Variants in DOCK8 observed in about 807,000 individuals in gnomAD.
DOCK8 encodes the protein dedicator of cytokinesis 8, also known as dedicator of cytokinesis protein 8.
DOCK8 carries 141 observed loss-of-function variants against 245.6 expected under a neutral mutation model. The ratio of observed to expected loss-of-function variants is 0.57; its 90% CI spans 0.50 to 0.66. The LOEUF (loss-of-function observed/expected upper bound fraction) is 0.66, where lower values mean the gene tolerates loss of function less well. Among genes scored for constraint, DOCK8 ranks in the 30% least tolerant of loss-of-function variants. DOCK8 has a pLI of 0.00. For synonymous variants in DOCK8, 1,168 were observed against 970.2 expected, an observed-to-expected ratio of 1.20 and a Z score of -3.79; for missense variants, 2,965 against 2,603.4, an observed-to-expected ratio of 1.14 and a Z score of -3.02.
At chr9:447,314 G>A (rs7035876) in intron 44 of DOCK8, among the ~76,000 whole-genome samples, 24,248 of 151,932 alleles carry the variant, frequency 0.16, 2,392 homozygotes, top group African/African-American at 0.28. Context: ...CTTATTTGTC[G>A]TCCTTTTTAT....
chr9:293,820 G>T (rs1326281845), intron 4 of DOCK8, among the ~76,000 whole-genome samples: 1 of 152,198 alleles, frequency 6.6e-6, no homozygotes, highest in Non-Finnish European at 1.5e-5. Context: ...GTTAATTAGT[G>T]ATTAATTATT....
chr9:416,977 A>G (rs927008055), intron 29 of DOCK8, among the ~76,000 whole-genome samples: 4 of 152,182 alleles, frequency 2.6e-5, no homozygotes, highest in African/African-American at 9.7e-5. Flanking sequence ...TTAAAATCCC[A>G]ATGGCCTTAA....
At chr9:272,995 A>T in intron 2 of DOCK8, 1 of 980,448 alleles carries the variant, frequency 1.0e-6, no homozygotes, top group Non-Finnish European at 1.2e-6. Flanking sequence ...TTACTTCGAA[A>T]CCACTTCTGC....
At chr9:235,836 AC>A (rs2047232593) in intron 1 of DOCK8, among the ~76,000 whole-genome samples, 1 of 151,792 alleles carries the variant, frequency 6.6e-6, no homozygotes, top group Non-Finnish European at 1.5e-5. Flanking sequence ...GAATTCCCTG[AC>A]CCCTTGCACT....
chr9:254,566 A>T (rs1004154102), intron 1 of DOCK8, among the ~76,000 whole-genome samples: 2 of 152,182 alleles, frequency 1.3e-5, no homozygotes, highest in Non-Finnish European at 2.9e-5. Context: ...ACTTGTTTAC[A>T]TAGTAGTAAG....
intron 2 of DOCK8, among the ~76,000 whole-genome samples, chr9:274,959 A>C (rs72701234): frequency 6.6e-6 from 1 of 152,202 alleles, no homozygotes; most frequent in Admixed American, 6.5e-5. Flanking sequence ...ATTGAAGTCA[A>C]GTTATTTAGA....
Position 330,992 on chromosome 9 carries a change from G to A in DOCK8, c.1045-1406G>A, listed in dbSNP as rs147752939. Among the ~76,000 whole-genome samples the A allele has an allele frequency of 5.6e-4, 85 of 152,284 alleles. 1 individual carries two copies. Among genetic ancestry groups the A allele is most frequent in the Non-Finnish European group, 9.7e-4 (66 of 68,022 alleles). ...ATACACACTACTAGTGCATGAAGCC[G>A]TGGCATTCCCCTTCCTTGCTTCAGG... On this transcript the variant is annotated intron_variant, in intron 9 of 47. Coordinates refer to ENST00000432829, the MANE Select transcript of DOCK8 (RefSeq NM_203447.4).
In DOCK8 at chr9:274,681, C is replaced by T. The variant is rs118120761; in HGVS notation, c.156+2952C>T. On this transcript the variant is annotated intron_variant, in intron 2 of 47. Transcript: ENST00000432829. The stretch of plus-strand genomic sequence containing the variant: ...TTACCTTTAAAAAAAAATTTCTTTT[C>T]ATGGAAAGATAATGGAACATGTCGG... 1.1e-3 allele frequency among the ~76,000 whole-genome samples: 164 copies of T among 151,948 alleles called. 1 individual carries two copies. In the East Asian group the frequency reaches 0.024, roughly 23 times the overall value.
intron 8 of DOCK8, among the ~76,000 whole-genome samples, chr9:326,613 C>G (rs1415551686): frequency 6.6e-6 from 1 of 152,184 alleles, no homozygotes; most frequent in Non-Finnish European, 1.5e-5. Flanking sequence ...GGCCTATAAG[C>G]AAGAAGTTGC....
intron 46 of DOCK8, chr9:460,392 C>T (rs1417753871): frequency 6.6e-6 from 1 of 152,208 alleles, no homozygotes; most frequent in Non-Finnish European, 1.5e-5. Flanking sequence ...GGACTCATCC[C>T]ACCTCCTGTA....
At chr9:222,604 G>A (rs1413675157) in intron 1 of DOCK8, among the ~76,000 whole-genome samples, 1 of 152,042 alleles carries the variant, frequency 6.6e-6, no homozygotes, top group Non-Finnish European at 1.5e-5. Flanking sequence ...TTCCTGTTTA[G>A]CTTCTCTCCT....
rs539534989 is a variant in DOCK8, at chr9:425,392, C to T, written c.4242-1493C>T. 2.4e-3 allele frequency among the ~76,000 whole-genome samples: 372 copies of T among 151,950 alleles called. 3 individuals carry two copies. The highest frequency in any genetic ancestry group is 6.8e-3 in the Middle Eastern group (2 of 294). On this transcript the variant is annotated intron_variant, in intron 33 of 47. Coordinates refer to ENST00000432829, the MANE Select transcript of DOCK8 (RefSeq NM_203447.4). ...CTAAAAATACAAAAAAGTAGCCGGG[C>T]GCGGTGGCGGGCGCCTGTAGTCCCA...
In DOCK8 at chr9:258,825, T is replaced by A. The variant is rs142089668; in HGVS notation, c.54-12802T>A. On this transcript the variant is annotated intron_variant, in intron 1 of 47. Coordinates refer to ENST00000432829, the MANE Select transcript of DOCK8 (RefSeq NM_203447.4). ...GTTGGCCAGGCTGGTCTCGAACTCC[T>A]GACCTCAGGTGATCTGCCCGCCTTG... is the stretch of plus-strand genomic sequence containing the variant. Among the ~76,000 whole-genome samples the A allele has an allele frequency of 7.4e-3, 1,122 of 152,196 alleles. 10 individuals carry two copies. The highest frequency in any genetic ancestry group is 0.025 in the African/African-American group (1,041 of 41,540).
At chr9:388,700 G>A (rs1033992713) in intron 23 of DOCK8, among the ~76,000 whole-genome samples, 5 of 151,942 alleles carry the variant, frequency 3.3e-5, no homozygotes, top group African/African-American at 1.2e-4. Context: ...GATTACAACC[G>A]TGAACCACCA....
intron 28 of DOCK8, among the ~76,000 whole-genome samples, chr9:408,765 C>T (rs2055556990): frequency 1.3e-5 from 2 of 152,010 alleles, no homozygotes; most frequent in African/African-American, 2.4e-5. Flanking sequence ...TTCTGGATTC[C>T]TTGTAAAATT....
At chr9:236,932 C>T (rs1163491769) in intron 1 of DOCK8, among the ~76,000 whole-genome samples, 1 of 152,226 alleles carries the variant, frequency 6.6e-6, no homozygotes, top group African/African-American at 2.4e-5. Flanking sequence ...CACATAGCTT[C>T]TACTCACACT....
In DOCK8 at chr9:258,071, TTCTCTC is replaced by T. The variant is rs567602796; in HGVS notation, c.54-13553_54-13548del. Among the ~76,000 whole-genome samples the T allele has an allele frequency of 4.0e-3, 610 of 151,704 alleles. 4 individuals are homozygous for T. Among genetic ancestry groups the T allele is most frequent in the Non-Finnish European group, 5.4e-3 (366 of 67,950 alleles). On this transcript the variant is annotated intron_variant, in intron 1 of 47. Coordinates refer to ENST00000432829, the MANE Select transcript of DOCK8 (RefSeq NM_203447.4). ...CAGTGTTCAAGGGCAAACAAAAACT[TTCTCTC>T]TCAGCCACCTCCATAAGTTCCATAG...
intron 42 of DOCK8, among the ~76,000 whole-genome samples, chr9:442,966 A>G (rs755043358): frequency 1.4e-4 from 22 of 152,226 alleles, no homozygotes; most frequent in Non-Finnish European, 2.4e-4. Flanking sequence ...AGTTGCCCCA[A>G]AATTGTTTAG....
chr9:406,874 C>A, intron 27 of DOCK8, 56 bp from the exon 28 acceptor site: 1 of 1,612,044 alleles, frequency 6.2e-7, no homozygotes, highest in Non-Finnish European at 8.5e-7. Context: ...CACTGGCCAT[C>A]GCTATTTTCA....
Sources: gnomAD v4.1 joint callset for allele counts (sites outside exome capture counted in the v4.1 genomes callset) on GRCh38, gnomAD v4.1.1 for gene constraint, MANE v1.5 for transcripts, NCBI Gene and HGNC (gene_info 2026-07-23, HGNC 2026-07-21) for gene names.